Variants in CNTNAP5 observed in about 807,000 individuals in gnomAD.
CNTNAP5 encodes the protein contactin-associated protein-like 5.
Under a neutral mutation model 150.2 loss-of-function variants are expected in CNTNAP5, and 72 were observed. That is an observed-to-expected ratio of 0.48 (90% CI 0.40 to 0.58). The LOEUF (loss-of-function observed/expected upper bound fraction) is 0.58. Among genes scored for constraint, CNTNAP5 ranks in the 20% least tolerant of loss-of-function variants. The pLI, the probability that CNTNAP5 is intolerant of heterozygous loss-of-function variation, is 0.00. For synonymous variants in CNTNAP5, 672 were observed against 619.8 expected (o/e 1.08, Z -1.25); for missense variants, 1,636 against 1,626.2 (o/e 1.01, Z -0.10).
chr2:124,289,952 GTTTATA>G (rs1234523861), intron 3 of CNTNAP5, among the ~76,000 whole-genome samples: 1 of 152,070 alleles, frequency 6.6e-6, no homozygotes, highest in African/African-American at 2.4e-5. Context: ...AAATTTTCTA[GTTTATA>G]TTTATTATTC....
At chr2:124,133,496 G>T (rs1275988444) in intron 1 of CNTNAP5, among the ~76,000 whole-genome samples, 4 of 152,100 alleles carry the variant, frequency 2.6e-5, no homozygotes, top group Non-Finnish European at 1.5e-5. Context: ...GCAAGGGCAT[G>T]TGTCATTCTT....
At position 124,130,042 on chromosome 2, in the gene CNTNAP5, G is replaced by C. The variant is rs189379568; in HGVS notation, c.83-91663G>C. 6.6e-5 allele frequency among the ~76,000 whole-genome samples: 10 copies of C among 152,202 alleles called. No individual in the cohort carries two copies. In the South Asian group the frequency reaches 1.2e-3, roughly 19 times the overall value. Reference sequence around the variant, plus strand: ...TTCATTCTATATGGATTGTCAATTTGCCAAATTCAAAGCCTCAAGCTATTG... The same window carrying C: ...TTCATTCTATATGGATTGTCAATTTCCCAAATTCAAAGCCTCAAGCTATTG... On this transcript the variant is annotated intron_variant, in intron 1 of 23. Coordinates refer to ENST00000682447, the MANE Select transcript of CNTNAP5 (RefSeq NM_001367498.1).
chr2:124,619,104 C>T (rs1677550137), intron 12 of CNTNAP5, among the ~76,000 whole-genome samples: 1 of 152,252 alleles, frequency 6.6e-6, no homozygotes, highest in Non-Finnish European at 1.5e-5. Flanking sequence ...GGCTTCATAC[C>T]TCCATCGGAT....
At chr2:124,562,196 C>T (rs978866639) in intron 10 of CNTNAP5, among the ~76,000 whole-genome samples, 1 of 152,184 alleles carries the variant, frequency 6.6e-6, no homozygotes, top group African/African-American at 2.4e-5. Context: ...TAGCCCAAGT[C>T]TAAAGATTTT....
chr2:124,269,233 T>A (rs575132405), intron 3 of CNTNAP5, among the ~76,000 whole-genome samples: 2 of 152,142 alleles, frequency 1.3e-5, no homozygotes, highest in Non-Finnish European at 2.9e-5. Flanking sequence ...GTGAATCTGG[T>A]CATCTATTTC....
At chr2:124,504,216 G>C (rs1401943004) in intron 7 of CNTNAP5, 76 bp from the exon 8 acceptor site, 29 of 1,426,578 alleles carry the variant, frequency 2.0e-5, no homozygotes, top group Non-Finnish European at 2.8e-5. Flanking sequence ...GTCAGCTCCA[G>C]GTGGTTGTTT....
chr2:124,590,714 A>G (rs916575376), intron 11 of CNTNAP5, among the ~76,000 whole-genome samples: 1 of 152,192 alleles, frequency 6.6e-6, no homozygotes, highest in Non-Finnish European at 1.5e-5. Context: ...TGCTGGGGAC[A>G]TAGGAACAAA....
At chr2:124,572,208 G>C (rs1410286597) in intron 11 of CNTNAP5, among the ~76,000 whole-genome samples, 1 of 152,124 alleles carries the variant, frequency 6.6e-6, no homozygotes, top group Non-Finnish European at 1.5e-5. Flanking sequence ...AGGACTGCCT[G>C]TAAGGGGGAA....
chr2:124,633,211 CA>C (rs1326213948), intron 12 of CNTNAP5, among the ~76,000 whole-genome samples: 3 of 152,056 alleles, frequency 2.0e-5, no homozygotes, highest in Non-Finnish European at 2.9e-5. Flanking sequence ...AACATTAACT[CA>C]AAAGTCCTCA....
At chr2:124,370,558 G>T (rs1408018610) in intron 3 of CNTNAP5, among the ~76,000 whole-genome samples, 1 of 152,140 alleles carries the variant, frequency 6.6e-6, no homozygotes, top group Non-Finnish European at 1.5e-5. Context: ...AACTCTTGCA[G>T]ATGCAAGATG....
At chr2:124,462,276 C>T (rs1206873443) in intron 6 of CNTNAP5, among the ~76,000 whole-genome samples, 2 of 152,094 alleles carry the variant, frequency 1.3e-5, no homozygotes, top group Non-Finnish European at 2.9e-5. Flanking sequence ...TGGGGCTTGG[C>T]CTGGGCTCTG....
rs114685903 is a variant in CNTNAP5, at chr2:124,068,294, C to T, written c.82+42562C>T. 2.5e-3 allele frequency among the ~76,000 whole-genome samples: 374 copies of T among 152,188 alleles called. 1 individual carries two copies. Among genetic ancestry groups the T allele is most frequent in the African/African-American group, 8.5e-3 (351 of 41,536 alleles). ...ATCTGTATACCTCAGGGAGACAGAG[C>T]GCAGCAACTGGTGGACTTTGCATTG... On this transcript the variant is annotated intron_variant, in intron 1 of 23. Transcript: ENST00000682447.
intron 7 of CNTNAP5, among the ~76,000 whole-genome samples, chr2:124,503,541 A>T (rs1317126241): frequency 6.6e-6 from 1 of 152,072 alleles, no homozygotes; most frequent in African/African-American, 2.4e-5. Flanking sequence ...CAGTCCTTTC[A>T]TCTACTCCTC....
At chr2:124,391,666 G>T (rs191547839) in intron 3 of CNTNAP5, among the ~76,000 whole-genome samples, 74 of 152,308 alleles carry the variant, frequency 4.9e-4, no homozygotes, top group African/African-American at 1.7e-3. Flanking sequence ...CGCAAAAAAA[G>T]AAAGGGAGGC....
intron 1 of CNTNAP5, among the ~76,000 whole-genome samples, chr2:124,056,640 C>G (rs999278134): frequency 1.3e-4 from 19 of 151,990 alleles, no homozygotes; most frequent in African/African-American, 4.6e-4. Context: ...AGCGAGACTC[C>G]ATCTCAAAAA....
chr2:124,523,539 C>T (rs867661283), intron 8 of CNTNAP5, among the ~76,000 whole-genome samples: 1 of 152,126 alleles, frequency 6.6e-6, no homozygotes, highest in Non-Finnish European at 1.5e-5. Context: ...GTCAGCAGCA[C>T]AGGGTACAGC....
At chr2:124,407,868 C>A (rs1038609103) in intron 3 of CNTNAP5, among the ~76,000 whole-genome samples, 2 of 151,554 alleles carry the variant, frequency 1.3e-5, no homozygotes, top group Non-Finnish European at 2.9e-5. Flanking sequence ...AAAAGAACTT[C>A]GGGAGGAGGA....
At chr2:124,509,055 AAAGGT>A (rs11280301) in intron 8 of CNTNAP5, among the ~76,000 whole-genome samples, 25,508 of 152,054 alleles carry the variant, frequency 0.17, 2,516 homozygotes, top group Middle Eastern at 0.34. Flanking sequence ...GCAGATAATC[AAAGGT>A]TTATTTGAGA....
In CNTNAP5 at chr2:124,535,974, A is replaced by G. The variant is rs574075055; in HGVS notation, c.1649+8518A>G. On this transcript the variant is annotated intron_variant, in intron 10 of 23. Coordinates refer to ENST00000682447, the MANE Select transcript of CNTNAP5 (RefSeq NM_001367498.1). ...CTGTGTGTGGGAGCTTGTTAAAAAC[A>G]GTGGGTAATATAAAAAGATTACATT... 3.9e-5 allele frequency among the ~76,000 whole-genome samples: 6 copies of G among 152,300 alleles called. No individual in the cohort carries two copies. The East Asian group carries it at 1.2e-3, about 29-fold the overall frequency.
Sources: allele counts gnomAD v4.1 joint callset (sites outside exome capture counted in the v4.1 genomes callset), GRCh38; gene constraint gnomAD v4.1.1; transcripts MANE v1.5; gene names NCBI Gene and HGNC (gene_info 2026-07-23, HGNC 2026-07-21).